The following RBL2 variants were observed in gnomAD, a reference collection of about 807,000 sequenced individuals.
RBL2 encodes retinoblastoma-like protein 2.
A neutral mutation model predicts 126.0 loss-of-function variants in RBL2; 56 were observed. The ratio of observed to expected loss-of-function variants is 0.44; its 90% CI spans 0.36 to 0.56. The LOEUF is 0.56. Ranked by LOEUF, RBL2 falls within the 20% of genes least tolerant of loss-of-function variation. RBL2 has a pLI of 0.00. For synonymous variants in RBL2, 454 were observed against 478.5 expected, an observed-to-expected ratio of 0.95 and a Z score of 0.67; for missense variants, 1,229 against 1,398.2, an observed-to-expected ratio of 0.88 and a Z score of 1.93.
chr16:53,488,075 C>T (rs1368360361), intron 21 of RBL2: 1 of 152,178 alleles, frequency 6.6e-6, no homozygotes, highest in Non-Finnish European at 1.5e-5. Context: ...GAAATGGAAA[C>T]TTATGTTTAG....
intron 1 of RBL2, among the ~76,000 whole-genome samples, chr16:53,435,235 C>T (rs2057946351): frequency 6.6e-6 from 1 of 152,128 alleles, no homozygotes; most frequent in Admixed American, 6.5e-5. Context: ...TGTTCGCTTC[C>T]CCCTGTTAAC....
At chr16:53,445,326 CA>C (rs11360172) in intron 3 of RBL2, among the ~76,000 whole-genome samples, 64,465 of 114,512 alleles carry the variant, frequency 0.56, 15,629 homozygotes, top group Middle Eastern at 0.72. Context: ...GACCTTGTCT[CA>C]AAAAAAAAAA....
At chr16:53,454,129 C>A in intron 7 of RBL2, 1 of 405,252 alleles carries the variant, frequency 2.5e-6, no homozygotes, top group Non-Finnish European at 4.8e-6. Flanking sequence ...AGCTGAAACA[C>A]TGTCAGCAAA....
At chr16:53,444,619 A>G (rs1180069329) in intron 3 of RBL2, among the ~76,000 whole-genome samples, 4 of 151,660 alleles carry the variant, frequency 2.6e-5, no homozygotes, top group Admixed American at 1.3e-4. Context: ...AGGCCGAGGC[A>G]GGTGGATTGC....
chr16:53,470,301 G>A, intron 15 of RBL2, 82 bp from the exon 16 acceptor site: 1 of 1,565,454 alleles, frequency 6.4e-7, no homozygotes, highest in East Asian at 2.3e-5. Flanking sequence ...GAGAGGGTTT[G>A]GGAGAGCAGA....
chr16:53,483,648 T>C (rs1186974239), intron 21 of RBL2, among the ~76,000 whole-genome samples: 1 of 152,110 alleles, frequency 6.6e-6, no homozygotes, highest in Admixed American at 6.5e-5. Context: ...CCCAGCACTT[T>C]GGGAGGCCGA....
In RBL2 at chr16:53,490,355, T is replaced by G. The variant is rs1961369685; in HGVS notation, c.*55T>G. On this transcript the variant is annotated 3_prime_UTR_variant, in exon 22 of 22. Transcript: ENST00000262133. The stretch of plus-strand genomic sequence containing the variant: ...AAATCTGTTTAGCAGCAGCCTTTAA[T>G]GCATCTAGATTATGGAGCTTTTTTC... 7.0e-7 allele frequency: 1 copy of G among 1,425,010 alleles called. No individual in the cohort carries two copies. Among genetic ancestry groups the G allele is most frequent in the East Asian group, 2.4e-5 (1 of 42,110 alleles). 88.3% of individuals were successfully genotyped at this position (1,425,010 alleles called of 1,614,324 possible). A position where few individuals can be genotyped will look rare whatever the true frequency, so the allele number is the denominator to read the frequency against.
chr16:53,480,202 G>A, intron 19 of RBL2: 1 of 543,428 alleles, frequency 1.8e-6, no homozygotes, highest in South Asian at 2.4e-5. Context: ...AGGAGAATTA[G>A]AGCTTTCAGG....
Position 53,453,582 on chromosome 16 carries a change from A to G in RBL2, c.897A>G (p.Lys299=). The change falls in exon 6 of 22, where the codon AAA becomes AAG. Residue 299 remains lysine, a synonymous_variant. Coordinates refer to ENST00000262133, the MANE Select transcript of RBL2 (RefSeq NM_005611.4). ...EAKGIKEHFW[K]PYIRKLYEKK... is the part of the protein sequence containing the mutation. ...AGGGGATAAAGGAACATTTCTGGAAACCCTATATTAGGAAACTTTATGAAA... is the reference window on the plus strand; with the variant it reads ...AGGGGATAAAGGAACATTTCTGGAAGCCCTATATTAGGAAACTTTATGAAA... 1 of 1,611,532 alleles carries G rather than the reference A, an allele frequency of 6.2e-7. No homozygotes were observed. The highest frequency in any genetic ancestry group is 1.7e-5 in the Admixed American group (1 of 59,822).
chr16:53,459,561 C>T lies in RBL2; in HGVS notation c.1290C>T (p.His430=). 6.2e-7 allele frequency: 1 copy of T among 1,606,254 alleles called. No individual in the cohort carries two copies. Among genetic ancestry groups the T allele is most frequent in the Non-Finnish European group, 8.5e-7 (1 of 1,177,676 alleles). The part of the protein sequence containing the change: ...STATHSLSRL[H]TMLTGLRNAP... The stretch of plus-strand genomic sequence containing the variant: ...CTACGCATAGCTTGAGTCGTCTTCA[C>T]ACCATGCTGACAGGCCTCAGGAATG... The change falls in exon 9 of 22, where the codon CAC becomes CAT. Residue 430 remains histidine (H), a synonymous_variant. Coordinates refer to ENST00000262133, the MANE Select transcript of RBL2 (RefSeq NM_005611.4).
intron 8 of RBL2, among the ~76,000 whole-genome samples, chr16:53,455,579 TAAAC>T (rs1024291144): frequency 1.3e-5 from 2 of 151,944 alleles, no homozygotes; most frequent in African/African-American, 4.8e-5. Flanking sequence ...GGACAGGAGA[TAAAC>T]AAGTAAATAT....
In RBL2 at chr16:53,490,423, G is replaced by A. The variant is rs914664820; in HGVS notation, c.*123G>A. The A allele has an allele frequency of 1.8e-5, 14 of 790,736 alleles. No homozygotes were observed. Among genetic ancestry groups the A allele is most frequent in the Non-Finnish European group, 2.6e-5 (14 of 539,546 alleles). 49.0% of individuals were successfully genotyped at this position (790,736 alleles called of 1,614,324 possible). ...GTTACAGCCTGTTAGTAACATGAGGGGACATTTTGGTGAGAAATGGGACTT... is the reference window on the plus strand; with the variant it reads ...GTTACAGCCTGTTAGTAACATGAGGAGACATTTTGGTGAGAAATGGGACTT... On this transcript the variant is annotated 3_prime_UTR_variant, in exon 22 of 22. Transcript: ENST00000262133.
intron 21 of RBL2, chr16:53,489,499 G>GC (rs11454643): frequency 0.16 from 25,088 of 152,146 alleles, 2,083 homozygotes; most frequent in South Asian, 0.27. Context: ...TGTACAGCCA[G>GC]CCCCAGTCTT....
At chr16:53,461,214 C>T (rs908084385) in intron 9 of RBL2, among the ~76,000 whole-genome samples, 7 of 152,182 alleles carry the variant, frequency 4.6e-5, no homozygotes, top group Admixed American at 1.3e-4. Flanking sequence ...TATCCCCGGC[C>T]GGGCGAAGTG....
At chr16:53,453,979 C>G (rs1205417681) in intron 7 of RBL2, among the ~76,000 whole-genome samples, 1 of 152,104 alleles carries the variant, frequency 6.6e-6, no homozygotes, top group African/African-American at 2.4e-5. Context: ...CTTTAAGCTT[C>G]TGGATTATAA....
chr16:53,442,878 C>T lies in RBL2; in HGVS notation c.572+20C>T. On this transcript the variant is annotated intron_variant, in intron 3 of 21. Transcript: ENST00000262133. ...ACAGCGGTAGGTTTTCTTGTTGGTT[C>T]ATCAGGAATACACGTTAGTCTGTGC... The T allele has an allele frequency of 6.3e-7, 1 of 1,584,626 alleles. No homozygotes were observed. The highest frequency in any genetic ancestry group is 8.6e-7 in the Non-Finnish European group (1 of 1,156,588).
At chr16:53,464,644 AAGT>A (rs2058254368) in intron 12 of RBL2, 1 of 247,684 alleles carries the variant, frequency 4.0e-6, no homozygotes, top group Non-Finnish European at 7.6e-6. Flanking sequence ...GGCTTAAAAA[AAGT>A]AGCACACATG....
rs1964653567 is a variant in RBL2 at position 53,434,478 on chromosome 16, G to C, written c.-79G>C. The C allele has an allele frequency of 3.9e-6, 5 of 1,289,588 alleles. No individual in the cohort carries two copies. Among genetic ancestry groups the C allele is most frequent in the Admixed American group, 4.2e-5 (1 of 23,930 alleles). 79.9% of individuals were successfully genotyped at this position (1,289,588 alleles called of 1,614,324 possible). A position where few individuals can be genotyped will look rare whatever the true frequency, so the allele number is the denominator to read the frequency against. ...CGCAGGCGCGGTGCGGGCGGCGGAC[G>C]GGCGGGCGCTTCGCCGTTTGAATGG... is the stretch of plus-strand genomic sequence containing the variant. On this transcript the variant is annotated 5_prime_UTR_variant, in exon 1 of 22. Transcript: ENST00000262133.
At chr16:53,458,012 G>A (rs1237166303) in intron 8 of RBL2, among the ~76,000 whole-genome samples, 3 of 152,196 alleles carry the variant, frequency 2.0e-5, no homozygotes, top group South Asian at 2.1e-4. Flanking sequence ...AAGAAACCTT[G>A]TAAGGCAGGG....
Sources: allele counts gnomAD v4.1 joint callset (sites outside exome capture counted in the v4.1 genomes callset), GRCh38; gene constraint gnomAD v4.1.1; transcripts MANE v1.5; gene names NCBI Gene and HGNC (gene_info 2026-07-23, HGNC 2026-07-21).